The following NVL variants were observed in gnomAD, a reference collection of about 807,000 sequenced individuals.
The protein encoded by NVL is nuclear valosin-containing protein-like.
A neutral mutation model predicts 110.2 loss-of-function variants in NVL; 84 were observed. That is an observed-to-expected ratio of 0.76 (90% CI 0.64 to 0.91). The LOEUF (loss-of-function observed/expected upper bound fraction) is 0.91, where lower values mean the gene tolerates loss of function less well. Ranked by LOEUF, NVL falls within the 40% of genes least tolerant of loss-of-function variation. NVL has a pLI of 0.00. For synonymous variants in NVL, 354 were observed against 361.1 expected, an observed-to-expected ratio of 0.98 and a Z score of 0.22; for missense variants, 882 against 1,035.9, an observed-to-expected ratio of 0.85 and a Z score of 2.04.
intron 10 of NVL, 69 bp downstream of exon 10, chr1:224,300,493 G>A (rs1229422568): frequency 2.6e-6 from 3 of 1,132,206 alleles, no homozygotes; most frequent in Non-Finnish European, 3.9e-6. Flanking sequence ...ACTAGCATCA[G>A]AAAAAGCAGG....
At chr1:224,327,275 T>G (rs1008020266) in intron 1 of NVL, among the ~76,000 whole-genome samples, 1 of 152,080 alleles carries the variant, frequency 6.6e-6, no homozygotes, top group Non-Finnish European at 1.5e-5. Flanking sequence ...AGATCTCATC[T>G]CTACAAAAAA....
chr1:224,305,465 T>A (rs1481085232), intron 6 of NVL: 5 of 243,944 alleles, frequency 2.0e-5, no homozygotes, highest in Non-Finnish European at 3.9e-5. Context: ...TGGAAATTTG[T>A]GAAGCATCCC....
intron 18 of NVL, among the ~76,000 whole-genome samples, chr1:224,257,383 A>G (rs1425752789): frequency 6.6e-6 from 1 of 152,232 alleles, no homozygotes; most frequent in Non-Finnish European, 1.5e-5. Flanking sequence ...AACAGTAGCA[A>G]CTTTTAACTT....
chr1:224,327,712 G>C (rs926102741), intron 1 of NVL, among the ~76,000 whole-genome samples: 2 of 151,464 alleles, frequency 1.3e-5, no homozygotes, highest in African/African-American at 2.4e-5. Context: ...CAAAGTGAAA[G>C]CTATAGAGGA....
intron 19 of NVL, among the ~76,000 whole-genome samples, chr1:224,245,921 T>C (rs1382208326): frequency 3.3e-5 from 5 of 151,880 alleles, no homozygotes; most frequent in Non-Finnish European, 5.9e-5. Context: ...CCGGCCAAAG[T>C]TGACCTCTAT....
intron 4 of NVL, among the ~76,000 whole-genome samples, chr1:224,316,430 A>G (rs543611907): frequency 6.6e-6 from 1 of 152,236 alleles, no homozygotes; most frequent in East Asian, 1.9e-4. Context: ...TCGCACCTAT[A>G]ATCCCAACAC....
At chr1:224,287,371 T>G (rs1666968381) in intron 14 of NVL, among the ~76,000 whole-genome samples, 1 of 152,084 alleles carries the variant, frequency 6.6e-6, no homozygotes, top group Non-Finnish European at 1.5e-5. Flanking sequence ...GTAGGGAAAT[T>G]ATATTTCAAA....
intron 14 of NVL, among the ~76,000 whole-genome samples, chr1:224,286,792 G>A (rs1269654854): frequency 1.3e-5 from 2 of 152,136 alleles, no homozygotes; most frequent in African/African-American, 2.4e-5. Flanking sequence ...GATATCTGTT[G>A]ACTATAATCC....
At chr1:224,242,807 T>TTTAG (rs1661351699) in intron 19 of NVL, among the ~76,000 whole-genome samples, 1 of 150,786 alleles carries the variant, frequency 6.6e-6, no homozygotes, top group Non-Finnish European at 1.5e-5. Context: ...CACATCAGAG[T>TTTAG]TTAGAATCAT....
intron 18 of NVL, among the ~76,000 whole-genome samples, chr1:224,265,349 C>G (rs974854917): frequency 6.6e-6 from 1 of 151,534 alleles, no homozygotes; most frequent in African/African-American, 2.4e-5. Context: ...ACTAAAAATA[C>G]AAAAATTAGC....
chr1:224,282,092 G>A (rs933347768), intron 15 of NVL, among the ~76,000 whole-genome samples: 10 of 143,496 alleles, frequency 7.0e-5, no homozygotes, highest in African/African-American at 2.7e-4. Flanking sequence ...TTTTGAGACA[G>A]AATCTTACTG....
intron 2 of NVL, among the ~76,000 whole-genome samples, chr1:224,322,783 G>A (rs1488035632): frequency 6.6e-6 from 1 of 152,082 alleles, no homozygotes; most frequent in Non-Finnish European, 1.5e-5. Flanking sequence ...GTGAAACCCT[G>A]TCGCTACTAA....
chr1:224,278,713 T>C (rs969060782), intron 16 of NVL, among the ~76,000 whole-genome samples: 2 of 152,150 alleles, frequency 1.3e-5, no homozygotes, highest in African/African-American at 4.8e-5. Context: ...TACAATCACT[T>C]TATAAAAATA....
intron 17 of NVL, among the ~76,000 whole-genome samples, chr1:224,271,858 C>T (rs898452836): frequency 4.0e-5 from 6 of 150,748 alleles, no homozygotes; most frequent in African/African-American, 1.5e-4. Flanking sequence ...TAAAAATACA[C>T]AAAAAATTAG....
At chr1:224,265,260 T>G (rs1297315552) in intron 18 of NVL, among the ~76,000 whole-genome samples, 2 of 151,882 alleles carry the variant, frequency 1.3e-5, no homozygotes, top group Non-Finnish European at 2.9e-5. Context: ...ATCCCAGCAC[T>G]TTGGGAGGCC....
At chr1:224,237,198 C>T (rs2102708710) in intron 19 of NVL, among the ~76,000 whole-genome samples, 1 of 152,274 alleles carries the variant, frequency 6.6e-6, no homozygotes, top group Non-Finnish European at 1.5e-5. Context: ...ATTTCCTTTC[C>T]AGCTTAAACA....
Position 224,304,724 on chromosome 1 carries a change from A to C in NVL, c.825+12T>G. 6.2e-7 allele frequency: 1 copy of C among 1,607,308 alleles called. No individual in the cohort carries two copies. The highest frequency in any genetic ancestry group is 2.2e-5 in the East Asian group (1 of 44,832). On this transcript the variant is annotated intron_variant, in intron 8 of 22. Coordinates refer to ENST00000281701, the MANE Select transcript of NVL (RefSeq NM_002533.4). The stretch of plus-strand genomic sequence containing the variant: ...ATATCCATTTGAGGTAAAATTCAGA[A>C]TTTGCACTAACTTTTAATGTCATAT...
chr1:224,314,507 C>T (rs560778286), intron 4 of NVL, among the ~76,000 whole-genome samples: 5 of 152,162 alleles, frequency 3.3e-5, no homozygotes, highest in Admixed American at 6.5e-5. Context: ...CAATTTATCA[C>T]AATTGACATA....
chr1:224,232,649 C>T (rs997186329), intron 21 of NVL, among the ~76,000 whole-genome samples: 7 of 152,210 alleles, frequency 4.6e-5, no homozygotes, highest in African/African-American at 1.7e-4. Context: ...TGTGAGTCAC[C>T]ACACCCAGCA....
Sources: gnomAD v4.1 joint callset for allele counts (sites outside exome capture counted in the v4.1 genomes callset) on GRCh38, gnomAD v4.1.1 for gene constraint, MANE v1.5 for transcripts, NCBI Gene and HGNC (gene_info 2026-07-23, HGNC 2026-07-21) for gene names.